DPP6: variants seen among roughly 807,000 people sequenced by gnomAD.
DPP6 encodes dipeptidyl peptidase like 6.
In DPP6, 69 loss-of-function variants were observed where a neutral mutation model predicts 122.6. The observed-to-expected ratio is 0.56, with a 90% CI of 0.46 to 0.69. DPP6 has a LOEUF of 0.69. DPP6 is among the 30% of genes least tolerant of loss of function. The pLI, the probability that DPP6 is intolerant of heterozygous loss-of-function variation, is 0.00. For synonymous variants in DPP6, 418 were observed against 433.1 expected, an observed-to-expected ratio of 0.97 and a Z score of 0.43; for missense variants, 928 against 1,116.9, an observed-to-expected ratio of 0.83 and a Z score of 2.41.
At chr7:154,002,736 G>C (rs1042184413) in intron 1 of DPP6, among the ~76,000 whole-genome samples, 1 of 152,190 alleles carries the variant, frequency 6.6e-6, no homozygotes, top group African/African-American at 2.4e-5. Flanking sequence ...GAGGGGCCAT[G>C]TCATATGTGT....
intron 1 of DPP6, among the ~76,000 whole-genome samples, chr7:153,989,969 A>C (rs1585140488): frequency 2.4e-4 from 15 of 63,330 alleles, no homozygotes; most frequent in African/African-American, 4.7e-4. Flanking sequence ...TAAGAGCCAC[A>C]CCCCCAACAG....
At chr7:154,597,138 TGA>T (rs756909653) in intron 5 of DPP6, among the ~76,000 whole-genome samples, 2 of 146,232 alleles carry the variant, frequency 1.4e-5, no homozygotes, top group Non-Finnish European at 3.0e-5. Flanking sequence ...TTGAGTACAG[TGA>T]GAGAGAGACA....
intron 1 of DPP6, among the ~76,000 whole-genome samples, chr7:153,918,535 A>G (rs1800457396): frequency 1.5e-5 from 2 of 131,424 alleles, no homozygotes; most frequent in Admixed American, 1.5e-4. Flanking sequence ...ACACACACAC[A>G]CACACACACA....
At chr7:154,420,861 A>G (rs1817413762) in intron 1 of DPP6, among the ~76,000 whole-genome samples, 1 of 152,184 alleles carries the variant, frequency 6.6e-6, no homozygotes, top group Admixed American at 6.5e-5. Flanking sequence ...CATTATGCAA[A>G]ATGAGTAAGT....
intron 1 of DPP6, among the ~76,000 whole-genome samples, chr7:153,950,804 A>G (rs908822809): frequency 6.6e-6 from 1 of 152,252 alleles, no homozygotes; most frequent in Non-Finnish European, 1.5e-5. Context: ...ATGGCAAGGA[A>G]CATATCGGTG....
intron 1 of DPP6, among the ~76,000 whole-genome samples, chr7:153,917,422 C>A (rs933355875): frequency 5.3e-5 from 8 of 152,200 alleles, no homozygotes; most frequent in African/African-American, 1.4e-4. Flanking sequence ...AGTGTTAAAA[C>A]CTGGATATCC....
At chr7:153,969,497 A>C (rs1469730287) in intron 1 of DPP6, among the ~76,000 whole-genome samples, 1 of 147,138 alleles carries the variant, frequency 6.8e-6, no homozygotes, top group Admixed American at 6.7e-5. Flanking sequence ...CAGATGCATC[A>C]TATTTCAGAG....
At chr7:153,827,933 A>AGTTT in the DPP6 span, among the ~76,000 whole-genome samples, 1 of 152,204 alleles carries the variant, frequency 6.6e-6, no homozygotes, top group African/African-American at 2.4e-5. Context: ...AGCCTAGTAG[A>AGTTT]GTCGGGATGG....
At chr7:154,562,952 C>A (rs188891381) in intron 4 of DPP6, among the ~76,000 whole-genome samples, 19 of 151,870 alleles carry the variant, frequency 1.3e-4, no homozygotes, top group South Asian at 8.3e-4. Context: ...AACCATCTTC[C>A]TTTCAAGGTG....
chr7:154,357,333 A>G (rs1292000518), intron 1 of DPP6, among the ~76,000 whole-genome samples: 2 of 145,746 alleles, frequency 1.4e-5, no homozygotes, highest in Non-Finnish European at 3.0e-5. Context: ...ATCGTAGTTC[A>G]TCTGTTAAAT....
chr7:154,801,788 G>A (rs1252230410), intron 13 of DPP6, among the ~76,000 whole-genome samples: 3 of 152,146 alleles, frequency 2.0e-5, no homozygotes, highest in Non-Finnish European at 4.4e-5. Flanking sequence ...TCCCTCTGCT[G>A]AGGGTCTCCT....
intron 25 of DPP6, 102 bp from the exon 26 acceptor site, chr7:154,892,232 C>T (rs909046752): frequency 2.0e-6 from 3 of 1,509,434 alleles, no homozygotes; most frequent in East Asian, 2.3e-5. Flanking sequence ...AATCCAGCCC[C>T]GGACGGGGCC....
At chr7:154,839,384 A>G (rs189309472) in intron 16 of DPP6, among the ~76,000 whole-genome samples, 26 of 152,356 alleles carry the variant, frequency 1.7e-4, no homozygotes, top group African/African-American at 5.8e-4. Flanking sequence ...GAGCAAACGG[A>G]GCCCAGTGGA....
the DPP6 span, among the ~76,000 whole-genome samples, chr7:153,757,322 A>G: frequency 2.0e-5 from 3 of 152,346 alleles, no homozygotes; most frequent in Non-Finnish European, 2.9e-5. Context: ...TTAAAATTAC[A>G]TCTGACAAAA....
intron 1 of DPP6, among the ~76,000 whole-genome samples, chr7:154,141,819 C>G (rs1213826611): frequency 6.6e-6 from 1 of 152,164 alleles, no homozygotes; most frequent in Non-Finnish European, 1.5e-5. Flanking sequence ...TCAGTACAGT[C>G]AGGAAGGAAG....
chr7:154,170,337 C>T (rs921477306), intron 1 of DPP6, among the ~76,000 whole-genome samples: 9 of 152,168 alleles, frequency 5.9e-5, no homozygotes, highest in Non-Finnish European at 2.9e-5. Flanking sequence ...TATCCCTTAT[C>T]CTTCCTAACT....
intron 1 of DPP6, among the ~76,000 whole-genome samples, chr7:154,020,593 A>G (rs528050363): frequency 1.3e-5 from 2 of 152,310 alleles, no homozygotes; most frequent in African/African-American, 4.8e-5. Flanking sequence ...GCAGTTCAGC[A>G]AGCATTCTTG....
chr7:154,063,699 T>C (rs34882533), intron 1 of DPP6, among the ~76,000 whole-genome samples: 28,491 of 128,498 alleles, frequency 0.22, 4,079 homozygotes, highest in Middle Eastern at 0.37. Flanking sequence ...GCACCTCCCG[T>C]GAGGTGGGGA....
intron 10 of DPP6, among the ~76,000 whole-genome samples, chr7:154,790,839 AGGAG>A (rs1166669054): frequency 1.5e-5 from 1 of 67,760 alleles, no homozygotes; most frequent in Admixed American, 2.3e-4. Context: ...GAGGAAAGGA[AGGAG>A]GGAGGGAGGG....
Sources: gnomAD v4.1 joint callset for allele counts (sites outside exome capture counted in the v4.1 genomes callset) on GRCh38, gnomAD v4.1.1 for gene constraint, MANE v1.5 for transcripts, NCBI Gene and HGNC (gene_info 2026-07-23, HGNC 2026-07-21) for gene names.